Variants in SMIM36 observed in about 807,000 individuals in gnomAD.
The protein encoded by SMIM36 is small integral membrane protein 36.
At chr17:55,508,329 T>A (rs1258817393) in intron 1 of SMIM36, among the ~76,000 whole-genome samples, 1 of 150,954 alleles carries the variant, frequency 6.6e-6, no homozygotes, top group East Asian at 1.9e-4. Context: ...GTATTTGTCC[T>A]GAAAACAAAC....
At chr17:55,521,857 CTT>C in the SMIM36 span, among the ~76,000 whole-genome samples, 14 of 141,150 alleles carry the variant, frequency 9.9e-5, no homozygotes, top group East Asian at 2.1e-4. Flanking sequence ...ACCGCTTTGA[CTT>C]TTTTTTTTTT....
At chr17:55,510,033 C>G (rs1910154169) in intron 1 of SMIM36, among the ~76,000 whole-genome samples, 1 of 152,078 alleles carries the variant, frequency 6.6e-6, no homozygotes, top group South Asian at 2.1e-4. Flanking sequence ...ATAGCTAACC[C>G]TGTGTGTCAA....
exon 1 of SMIM36, chr17:55,511,174 G>A: frequency 2.5e-6 from 1 of 398,664 alleles, no homozygotes; most frequent in Non-Finnish European, 4.4e-6. Context: ...GGAGGGCTGG[G>A]CCTCGAGAGT....
chr17:55,517,607 T>C, the SMIM36 span, among the ~76,000 whole-genome samples: 1 of 152,192 alleles, frequency 6.6e-6, no homozygotes, highest in African/African-American at 2.4e-5. Flanking sequence ...TGAAAAGACT[T>C]CATGGTTCTT....
chr17:55,496,393 C>A (rs1260883882), intron 1 of SMIM36, among the ~76,000 whole-genome samples: 1 of 151,930 alleles, frequency 6.6e-6, no homozygotes, highest in Non-Finnish European at 1.5e-5. Flanking sequence ...TACAGAGAAG[C>A]CTTGAGAAAA....
In SMIM36 at chr17:55,496,397, G is replaced by A. The variant is rs16955999; in HGVS notation, c.*174+14482C>T. Among the ~76,000 whole-genome samples, 705 of 151,826 alleles carry A rather than the reference G, an allele frequency of 4.6e-3. 5 individuals are homozygous for A. Among genetic ancestry groups the A allele is most frequent in the African/African-American group, 0.016 (660 of 41,458 alleles). Reference sequence around the variant, plus strand: ...TAATGGCTGAGTACAGAGAAGCCTTGAGAAAAAAAAAATATGCGCAGACAA... The same window carrying A: ...TAATGGCTGAGTACAGAGAAGCCTTAAGAAAAAAAAAATATGCGCAGACAA... On this transcript the variant is annotated intron_variant, in intron 1 of 4. Coordinates refer to ENST00000636752, the Ensembl canonical transcript of SMIM36.
chr17:55,456,471 C>A (rs1057078833), intron 4 of SMIM36, among the ~76,000 whole-genome samples: 6 of 152,314 alleles, frequency 3.9e-5, no homozygotes, highest in Non-Finnish European at 8.8e-5. Flanking sequence ...GTAGACAAAC[C>A]TATCCATCAA....
exon 1 of SMIM36, chr17:55,511,197 G>A (rs543598979): frequency 2.0e-5 from 8 of 398,640 alleles, no homozygotes; most frequent in Non-Finnish European, 2.2e-5. Context: ...CCTCGGGCGC[G>A]TACTCCTTAC....
chr17:55,510,767 T>A (rs762015478), intron 1 of SMIM36, 112 bp downstream of exon 1: 13 of 221,440 alleles, frequency 5.9e-5, no homozygotes, highest in Non-Finnish European at 9.7e-5. Context: ...CTCCTGTGAG[T>A]TGCAAGGACA....
intron 1 of SMIM36, among the ~76,000 whole-genome samples, chr17:55,491,705 G>A (rs1298611870): frequency 2.6e-5 from 4 of 152,122 alleles, no homozygotes; most frequent in African/African-American, 7.2e-5. Flanking sequence ...AAACTCAGAC[G>A]TAAAGTTTGG....
chr17:55,509,887 T>C (rs1910150912), intron 1 of SMIM36, among the ~76,000 whole-genome samples: 1 of 152,170 alleles, frequency 6.6e-6, no homozygotes, highest in South Asian at 2.1e-4. Flanking sequence ...TGGGGACAGA[T>C]ACACCAAGCT....
intron 4 of SMIM36, among the ~76,000 whole-genome samples, chr17:55,457,187 T>A (rs113452278): frequency 6.6e-6 from 1 of 152,076 alleles, no homozygotes; most frequent in Non-Finnish European, 1.5e-5. Flanking sequence ...TGGTGGCTCA[T>A]GCCTGTGATC....
chr17:55,505,208 C>A (rs1264858922), intron 1 of SMIM36, among the ~76,000 whole-genome samples: 6 of 95,982 alleles, frequency 6.3e-5, no homozygotes. Flanking sequence ...AAGAGGGAAT[C>A]CTCCCTAACT....
At chr17:55,495,922 T>G (rs1394175753) in intron 1 of SMIM36, among the ~76,000 whole-genome samples, 2 of 152,218 alleles carry the variant, frequency 1.3e-5, no homozygotes, top group East Asian at 1.9e-4. Context: ...TCAAATCCAG[T>G]CTTGCTGCCA....
At chr17:55,491,057 C>T (rs141391578) in intron 1 of SMIM36, among the ~76,000 whole-genome samples, 109 of 151,876 alleles carry the variant, frequency 7.2e-4, no homozygotes, top group Non-Finnish European at 1.2e-3. Context: ...GAGTTTAAGA[C>T]CAGCCTGGGC....
intron 1 of SMIM36, among the ~76,000 whole-genome samples, chr17:55,481,136 C>T (rs1674635212): frequency 6.6e-6 from 1 of 152,016 alleles, no homozygotes; most frequent in Non-Finnish European, 1.5e-5. Context: ...CACACACACA[C>T]ACCCTTTTAA....
At chr17:55,487,379 C>T (rs1233299914) in intron 1 of SMIM36, among the ~76,000 whole-genome samples, 1 of 152,086 alleles carries the variant, frequency 6.6e-6, no homozygotes, top group Non-Finnish European at 1.5e-5. Context: ...AAAAGTGTCC[C>T]TGTGGAGTTT....
chr17:55,525,421 A>G, the SMIM36 span, among the ~76,000 whole-genome samples: 1 of 152,118 alleles, frequency 6.6e-6, no homozygotes, highest in Non-Finnish European at 1.5e-5. Flanking sequence ...CTCCCCCATA[A>G]CATTTTACAT....
At chr17:55,474,848 A>C (rs1336368789) in intron 3 of SMIM36, among the ~76,000 whole-genome samples, 2 of 152,172 alleles carry the variant, frequency 1.3e-5, no homozygotes, top group Admixed American at 6.5e-5. Flanking sequence ...AAAGGGATTT[A>C]AGGGAGACTA....
Sources: gnomAD v4.1 joint callset for allele counts (sites outside exome capture counted in the v4.1 genomes callset) on GRCh38, gnomAD v4.1.1 for gene constraint, MANE v1.5 for transcripts, NCBI Gene and HGNC (gene_info 2026-07-23, HGNC 2026-07-21) for gene names.